CFI: variants seen among roughly 807,000 people sequenced by gnomAD.
CFI encodes the protein C3B/C4B inactivator.
Under a neutral mutation model 78.8 loss-of-function variants are expected in CFI, and 66 were observed. That is an observed-to-expected ratio of 0.84 (90% CI 0.69 to 1.03). The LOEUF (loss-of-function observed/expected upper bound fraction) is 1.03, where lower values mean the gene tolerates loss of function less well. CFI is among the 50% of genes least tolerant of loss of function. The pLI is 0.00. For missense variants in CFI, 706 were observed against 704.5 expected (o/e 1.00, Z -0.02); for synonymous variants, 250 against 232.6 (o/e 1.07, Z -0.68).
chr4:109,787,295 T>A (rs1398689078), intron 1 of CFI, among the ~76,000 whole-genome samples: 3 of 152,136 alleles, frequency 2.0e-5, no homozygotes, highest in Non-Finnish European at 4.4e-5. Flanking sequence ...TCCCAAGAGT[T>A]AACAACCACA....
chr4:109,779,731 C>T (rs907920789), intron 1 of CFI, among the ~76,000 whole-genome samples: 3 of 152,156 alleles, frequency 2.0e-5, no homozygotes, highest in African/African-American at 7.2e-5. Flanking sequence ...TGACTTCAAA[C>T]TATACTACAA....
intron 1 of CFI, among the ~76,000 whole-genome samples, chr4:109,788,883 A>C (rs1404246213): frequency 6.6e-6 from 1 of 152,116 alleles, no homozygotes; most frequent in Non-Finnish European, 1.5e-5. Context: ...GAAGTCATAA[A>C]ATATGACCCA....
At chr4:109,757,195 A>ATT (rs528710877) in intron 7 of CFI, among the ~76,000 whole-genome samples, 4 of 144,936 alleles carry the variant, frequency 2.8e-5, no homozygotes, top group Non-Finnish European at 4.6e-5. Context: ...CGCCAGGATA[A>ATT]TTTTTTTTTT....
At chr4:109,786,111 A>G (rs1034245324) in intron 1 of CFI, among the ~76,000 whole-genome samples, 6 of 151,902 alleles carry the variant, frequency 3.9e-5, no homozygotes, top group Non-Finnish European at 7.4e-5. Context: ...GCTCACTGCA[A>G]CTTCTGTCTC....
At chr4:109,775,183 C>G (rs141390749) in intron 1 of CFI, among the ~76,000 whole-genome samples, 10,146 of 152,008 alleles carry the variant, frequency 0.067, 643 homozygotes, top group East Asian at 0.18. Flanking sequence ...GGGTACAGCC[C>G]ATGGAGCAGG....
At chr4:109,749,410 T>G in intron 9 of CFI, 89 bp from the exon 10 acceptor site, 2 of 1,484,754 alleles carry the variant, frequency 1.3e-6, no homozygotes, top group Non-Finnish European at 1.9e-6. Context: ...ACTCCCAGTC[T>G]CTTATAATTA....
chr4:109,757,919 T>C (rs1165498531), intron 6 of CFI, 136 bp from the exon 7 acceptor site: 1 of 1,431,174 alleles, frequency 7.0e-7, no homozygotes, highest in Non-Finnish European at 9.4e-7. Context: ...AATTTTTCTA[T>C]TATAAAAATG....
rs1299854619 is a variant in CFI at position 109,747,360 on chromosome 4, A to AT, written c.1149-859_1149-858insA. The stretch of plus-strand genomic sequence containing the variant: ...CCACCACATTAAGCTAATTTAAAAA[A>AT]ATTTTTTTGTAGAAATGGGGTCTTG... On this transcript the variant is annotated intron_variant, in intron 10 of 12. Transcript: ENST00000394634. Among the ~76,000 whole-genome samples the AT allele has an allele frequency of 7.4e-3, 96 of 12,970 alleles. No individual in the cohort carries two copies. The East Asian group carries it at 0.13, about 18-fold the overall frequency. The allele number at this position is 12,970 out of a possible 152,430, so 8.5% of individuals were successfully genotyped here. A position where few individuals can be genotyped will look rare whatever the true frequency, so the allele number is the denominator to read the frequency against.
intron 11 of CFI, 104 bp from the exon 12 acceptor site, chr4:109,742,699 T>C (rs1723954693): frequency 2.7e-6 from 2 of 741,458 alleles, no homozygotes; most frequent in Non-Finnish European, 4.6e-6. Flanking sequence ...TGTATAGTTT[T>C]CAATATATAT....
downstream of CFI, among the ~76,000 whole-genome samples, chr4:109,736,606 T>G (rs1723382653): frequency 6.6e-6 from 1 of 152,092 alleles, no homozygotes. Context: ...GGGTCTACCA[T>G]CAAGAAAATT....
intron 2 of CFI, among the ~76,000 whole-genome samples, chr4:109,766,164 G>A (rs562310744): frequency 1.3e-5 from 2 of 152,186 alleles, no homozygotes; most frequent in South Asian, 4.2e-4. Flanking sequence ...GCCACAGGAG[G>A]ACCTGAGGCC....
chr4:109,740,380 A>G (rs1723651488), downstream of CFI, among the ~76,000 whole-genome samples: 1 of 152,092 alleles, frequency 6.6e-6, no homozygotes. Flanking sequence ...GAGAGAAAAG[A>G]TGAGAAAGAA....
rs916284741 is a variant in CFI at position 109,786,905 on chromosome 4, T to C, written c.57+15010A>G. 5.5e-4 allele frequency among the ~76,000 whole-genome samples: 84 copies of C among 152,150 alleles called. 3 individuals carry two copies. Among genetic ancestry groups the C allele is most frequent in the Non-Finnish European group, 1.5e-5 (1 of 68,008 alleles). On this transcript the variant is annotated intron_variant, in intron 1 of 12. Transcript: ENST00000394634. ...TCCTCATTTCACCCTAGTTCTTTAC[T>C]GTATGCTTTACCGGGCACAGGGTGT...
chr4:109,795,204 A>T (rs12508074), intron 1 of CFI, among the ~76,000 whole-genome samples: 35,600 of 152,044 alleles, frequency 0.23, 4,889 homozygotes, highest in Admixed American at 0.36. Context: ...AAGACTGTCT[A>T]CCCACACAGT....
In CFI at chr4:109,756,953, GAAAGAAAGAAAGAAAGAAAGAA is replaced by G. The variant is rs1726350228; in HGVS notation, c.904+788_904+809del. Among the ~76,000 whole-genome samples the G allele has an allele frequency of 3.6e-5, 5 of 138,926 alleles. 1 individual carries two copies. The highest frequency in any genetic ancestry group is 1.3e-4 in the African/African-American group (5 of 37,736). The allele number at this position is 138,926 out of a possible 152,430, so 91.1% of individuals were successfully genotyped here. A position where few individuals can be genotyped will look rare whatever the true frequency, so the allele number is the denominator to read the frequency against. On this transcript the variant is annotated intron_variant, in intron 7 of 12. Coordinates refer to ENST00000394634, the MANE Select transcript of CFI (RefSeq NM_000204.5). ...AGAAAGAAAGAAAGAAAGAAAGAAA[GAAAGAAAGAAAGAAAGAAAGAA>G]AGAAATTCTGAGGAGGATCATGAAC...
chr4:109,799,060 C>T (rs911022349), intron 1 of CFI, among the ~76,000 whole-genome samples: 11 of 152,124 alleles, frequency 7.2e-5, no homozygotes, highest in Admixed American at 5.2e-4. Context: ...ACCAGAGGTG[C>T]AGGCTCAGAG....
In CFI at chr4:109,749,536, C is replaced by A; in HGVS notation, c.1007G>T (p.Arg336Leu). Residue 336 changes from arginine to leucine, a missense_variant, in exon 9 of 13, where the codon CGA becomes CTA. By Grantham distance (102) the Arg-to-Leu change is moderately radical. Transcript: ENST00000394634. ...SCGVKNRMHI[R>L]RKRIVGGKRA... ...CTTTCCTCCCACAATTCGTTTCCTTCGAATGTGCATTCTGTTTTTAACTCC... is the reference window on the plus strand; with the variant it reads ...CTTTCCTCCCACAATTCGTTTCCTTAGAATGTGCATTCTGTTTTTAACTCC... The A allele has an allele frequency of 4.3e-6, 7 of 1,613,712 alleles. No homozygotes were observed. Among genetic ancestry groups the A allele is most frequent in the Non-Finnish European group, 5.9e-6 (7 of 1,179,672 alleles).
chr4:109,791,700 C>G (rs1191797579), intron 1 of CFI, among the ~76,000 whole-genome samples: 1 of 152,118 alleles, frequency 6.6e-6, no homozygotes, highest in Admixed American at 6.5e-5. Flanking sequence ...AATAGGGAGT[C>G]CTTTCCCCAT....
chr4:109,787,664 G>A (rs1487111193), intron 1 of CFI, among the ~76,000 whole-genome samples: 1 of 151,590 alleles, frequency 6.6e-6, no homozygotes. Flanking sequence ...TGGGAATTGT[G>A]GGAAGATGAC....
Sources: gnomAD v4.1 joint callset for allele counts (sites outside exome capture counted in the v4.1 genomes callset) on GRCh38, gnomAD v4.1.1 for gene constraint, MANE v1.5 for transcripts, NCBI Gene and HGNC (gene_info 2026-07-23, HGNC 2026-07-21) for gene names.